CLRN1: variants seen among roughly 807,000 people sequenced by gnomAD.
CLRN1 encodes clarin 1, also known as clarin-1.
CLRN1 carries 15 observed loss-of-function variants against 18.7 expected under a neutral mutation model. That is an observed-to-expected ratio of 0.80 (90% CI 0.54 to 1.23). The LOEUF (loss-of-function observed/expected upper bound fraction) is 1.23. CLRN1 is among the 50% of genes most tolerant of loss of function. CLRN1 has a pLI of 0.00. For missense variants in CLRN1, 311 were observed against 277.5 expected (o/e 1.12, Z -0.86); for synonymous variants, 104 against 102.9 (o/e 1.01, Z -0.07).
At chr3:150,960,953 G>T (rs1385686641) in intron 1 of CLRN1, among the ~76,000 whole-genome samples, 1 of 152,222 alleles carries the variant, frequency 6.6e-6, no homozygotes, top group African/African-American at 2.4e-5. Flanking sequence ...TCCTGTAACT[G>T]GTGGGCAGAT....
intron 1 of CLRN1, among the ~76,000 whole-genome samples, chr3:150,956,616 A>G (rs908230157): frequency 5.3e-5 from 8 of 152,202 alleles, no homozygotes; most frequent in African/African-American, 1.9e-4. Flanking sequence ...GTAAGTCGTA[A>G]GTTAATGACT....
intron 2 of CLRN1, among the ~76,000 whole-genome samples, chr3:150,933,051 T>C (rs1346686502): frequency 6.6e-6 from 1 of 152,186 alleles, no homozygotes; most frequent in Non-Finnish European, 1.5e-5. Flanking sequence ...AAAAATACAA[T>C]GTTTATCTAA....
chr3:150,963,927 A>C (rs1370555454), intron 1 of CLRN1, among the ~76,000 whole-genome samples: 5 of 152,236 alleles, frequency 3.3e-5, no homozygotes, highest in Admixed American at 6.5e-5. Flanking sequence ...GATGGATTAA[A>C]GATTTAAACA....
chr3:150,958,217 A>G (rs1383937136), intron 1 of CLRN1, among the ~76,000 whole-genome samples: 1 of 152,186 alleles, frequency 6.6e-6, no homozygotes, highest in Admixed American at 6.5e-5. Context: ...GAATGTAACA[A>G]CTGTCCATTC....
intron 2 of CLRN1, among the ~76,000 whole-genome samples, chr3:150,936,909 T>A (rs561725934): frequency 6.6e-6 from 1 of 152,274 alleles, no homozygotes; most frequent in East Asian, 1.9e-4. Flanking sequence ...GGACGTTCTG[T>A]GAAGGTTCTC....
chr3:150,957,238 T>TACAC (rs34726423), intron 1 of CLRN1, among the ~76,000 whole-genome samples: 1,710 of 147,056 alleles, frequency 0.012, 19 homozygotes, highest in African/African-American at 0.031. Context: ...TCCCATTTTA[T>TACAC]ACACACACAC....
At chr3:150,945,578 C>G in intron 1 of CLRN1, 10 of 1,286,678 alleles carry the variant, frequency 7.8e-6, no homozygotes, top group Non-Finnish European at 1.0e-5. Context: ...TTCGTAAATA[C>G]AGAGGTGTTT....
At position 150,928,198 on chromosome 3, in the gene CLRN1, G is replaced by A. The variant is rs201625237; in HGVS notation, c.437C>T (p.Ser146Phe). 1.1e-4 allele frequency: 175 copies of A among 1,613,892 alleles called. 1 individual carries two copies. The highest frequency in any genetic ancestry group is 1.4e-4 in the Non-Finnish European group (167 of 1,179,986). Reference sequence around the variant, plus strand: ...CAATATCATGACAAGACAGCCACAGGAGCCTGCAACAGAAGAAACAAGGTG... The same window carrying A: ...CAATATCATGACAAGACAGCCACAGAAGCCTGCAACAGAAGAAACAAGGTG... The part of the protein sequence containing the change: ...GLYLLSFISG[S>F]CGCLVMILFA... The change falls in exon 3 of 3, where the codon TCC (serine) becomes TTC (phenylalanine). Residue 146 changes from serine (S) to phenylalanine (F), a missense_variant. Transcript: ENST00000327047.
chr3:150,969,104 G>A (rs1715402060), intron 1 of CLRN1, among the ~76,000 whole-genome samples: 1 of 147,442 alleles, frequency 6.8e-6, no homozygotes, highest in African/African-American at 2.5e-5. Context: ...TTCCAAGACA[G>A]CGTCAAGAAA....
chr3:150,972,583 C>T lies in CLRN1; in HGVS notation c.126G>A (p.Thr42=), dbSNP rs151049166. The T allele has an allele frequency of 4.1e-4, 666 of 1,614,226 alleles. No homozygotes were observed. Among genetic ancestry groups the T allele is most frequent in the Non-Finnish European group, 5.1e-4 (604 of 1,180,040 alleles). ...LWIKATVLCK[T]GALLVNASGQ... ...CTGAGGCATTGACGAGCAGAGCTCC[C>T]GTTTTGCAGAGGACAGTGGCTTTGA... Residue 42 remains threonine (T), a synonymous_variant, in exon 1 of 3, where the codon ACG becomes ACA. Transcript: ENST00000327047.
chr3:150,963,384 A>G (rs1715119684), intron 1 of CLRN1, among the ~76,000 whole-genome samples: 1 of 152,192 alleles, frequency 6.6e-6, no homozygotes, highest in African/African-American at 2.4e-5. Context: ...TTCAAGGAGA[A>G]CTACAAACTA....
At position 150,927,236 on chromosome 3, in the gene CLRN1, C is replaced by T. The variant is rs761997586; in HGVS notation, c.*700G>A. The T allele has an allele frequency of 1.6e-5, 8 of 485,202 alleles. No individual in the cohort carries two copies. Among genetic ancestry groups the T allele is most frequent in the Middle Eastern group, 6.1e-4 (1 of 1,632 alleles). The allele number at this position is 485,202 out of a possible 1,614,324, so 30.1% of individuals were successfully genotyped here. A position where few individuals can be genotyped will look rare whatever the true frequency, so the allele number is the denominator to read the frequency against. ...TTTAGAGTTTGCAGATTTTGACCAACAGACATGGTTAATAAGACTATGCTT... is the reference window on the plus strand; with the variant it reads ...TTTAGAGTTTGCAGATTTTGACCAATAGACATGGTTAATAAGACTATGCTT... On this transcript the variant is annotated 3_prime_UTR_variant, in exon 3 of 3. Transcript: ENST00000327047.
intron 1 of CLRN1, among the ~76,000 whole-genome samples, chr3:150,954,998 G>C (rs1036720089): frequency 1.3e-5 from 2 of 152,194 alleles, no homozygotes; most frequent in Admixed American, 1.3e-4. Context: ...AAACAACTTA[G>C]TATCCATTGA....
chr3:150,951,750 G>A (rs1714494433), intron 1 of CLRN1, among the ~76,000 whole-genome samples: 1 of 152,162 alleles, frequency 6.6e-6, no homozygotes, highest in Admixed American at 6.5e-5. Flanking sequence ...AATCATGGTG[G>A]AAGGCAAAGC....
intron 2 of CLRN1, among the ~76,000 whole-genome samples, chr3:150,929,685 A>G (rs1713036852): frequency 6.6e-6 from 1 of 152,180 alleles, no homozygotes; most frequent in Non-Finnish European, 1.5e-5. Flanking sequence ...TTTTCTTGCA[A>G]GTCCTTATCA....
At chr3:150,937,375 T>C (rs1713556018) in intron 2 of CLRN1, among the ~76,000 whole-genome samples, 1 of 152,148 alleles carries the variant, frequency 6.6e-6, no homozygotes, top group Admixed American at 6.5e-5. Context: ...ACGTGAAATA[T>C]ATTCACTTAT....
intron 1 of CLRN1, chr3:150,943,899 T>A (rs1159767595): frequency 6.2e-7 from 1 of 1,613,790 alleles, no homozygotes. Context: ...ACTCGTTCAC[T>A]CGTGTGCTCC....
chr3:150,942,342 C>A (rs952778826), intron 1 of CLRN1, among the ~76,000 whole-genome samples: 4 of 152,120 alleles, frequency 2.6e-5, no homozygotes, highest in Non-Finnish European at 4.4e-5. Context: ...AGAAAACACG[C>A]CAAATCTATT....
chr3:150,929,440 T>C (rs1713015227), intron 2 of CLRN1, among the ~76,000 whole-genome samples: 1 of 152,314 alleles, frequency 6.6e-6, no homozygotes, highest in Non-Finnish European at 1.5e-5. Context: ...AGGGTTCCAG[T>C]TAATAGGAGA....
Sources: allele counts gnomAD v4.1 joint callset (sites outside exome capture counted in the v4.1 genomes callset), GRCh38; gene constraint gnomAD v4.1.1; transcripts MANE v1.5; gene names NCBI Gene and HGNC (gene_info 2026-07-23, HGNC 2026-07-21).